Variants in LPCAT3 observed in about 807,000 individuals in gnomAD.
The protein encoded by LPCAT3 is lysophospholipid acyltransferase 5.
Under a neutral mutation model 63.4 loss-of-function variants are expected in LPCAT3, and 21 were observed. That is an observed-to-expected ratio of 0.33 (90% CI 0.23 to 0.48). LPCAT3 has a LOEUF of 0.48. Among genes scored for constraint, LPCAT3 ranks in the 20% least tolerant of loss-of-function variants. The pLI, the probability that LPCAT3 is intolerant of heterozygous loss-of-function variation, is 0.99. For synonymous variants in LPCAT3, 242 were observed against 227.5 expected, an observed-to-expected ratio of 1.06 and a Z score of -0.58; for missense variants, 451 against 590.6, an observed-to-expected ratio of 0.76 and a Z score of 2.45.
At chr12:7,009,299 G>C (rs1289995819) in intron 1 of LPCAT3, among the ~76,000 whole-genome samples, 2 of 152,198 alleles carry the variant, frequency 1.3e-5, no homozygotes, top group Non-Finnish European at 2.9e-5. Flanking sequence ...GACCTCAGGT[G>C]ATCTGCCTGC....
intron 1 of LPCAT3, among the ~76,000 whole-genome samples, chr12:6,995,121 CTTTT>C (rs34836555): frequency 6.9e-6 from 1 of 145,000 alleles, no homozygotes; most frequent in Non-Finnish European, 1.5e-5. Flanking sequence ...CTTCTCTGGG[CTTTT>C]TTTTTTTTTT....
At chr12:6,995,457 G>C (rs1946628390) in intron 1 of LPCAT3, among the ~76,000 whole-genome samples, 4 of 150,262 alleles carry the variant, frequency 2.7e-5, no homozygotes, top group Admixed American at 2.7e-4. Context: ...CTGGGCAACA[G>C]AGCCAGACTC....
chr12:6,978,550 A>G (rs782605769), intron 8 of LPCAT3, 43 bp from the exon 9 acceptor site: 6 of 1,612,874 alleles, frequency 3.7e-6, no homozygotes, highest in Non-Finnish European at 5.1e-6. Context: ...CACTCCCCAT[A>G]CTGGCCCCCA....
chr12:7,003,763 A>T (rs1405441329), intron 1 of LPCAT3, among the ~76,000 whole-genome samples: 2 of 151,462 alleles, frequency 1.3e-5, no homozygotes, highest in Non-Finnish European at 2.9e-5. Context: ...TCTATTAAAA[A>T]TACAAAAAAT....
chr12:6,989,647 G>A (rs1282507601), intron 1 of LPCAT3, among the ~76,000 whole-genome samples: 1 of 152,126 alleles, frequency 6.6e-6, no homozygotes, highest in Non-Finnish European at 1.5e-5. Flanking sequence ...ATTTGTACAA[G>A]CCCTCTTCAG....
chr12:7,012,570 T>A (rs1015238907), intron 1 of LPCAT3, among the ~76,000 whole-genome samples: 1 of 152,192 alleles, frequency 6.6e-6, no homozygotes, highest in Non-Finnish European at 1.5e-5. Context: ...GTAGCAACAT[T>A]AACATACCCA....
intron 1 of LPCAT3, among the ~76,000 whole-genome samples, chr12:7,010,145 C>G (rs1946751912): frequency 6.6e-6 from 1 of 152,286 alleles, no homozygotes; most frequent in Admixed American, 6.5e-5. Context: ...CATAAAAGGC[C>G]TATCATGTTT....
chr12:7,017,864 A>G lies in LPCAT3; in HGVS notation c.151+410T>C, dbSNP rs1431810390. ...TGGGGCTGAAAAGGCCGAAAGGGCT[A>G]AAGTTAGGGGCCCTATGCCTACCGA... On this transcript the variant is annotated intron_variant, in intron 1 of 12. Transcript: ENST00000261407. The surrounding 1 kb of genome is among the most constrained non-coding windows in gnomAD (Gnocchi z 4.1). Among the ~76,000 whole-genome samples the G allele has an allele frequency of 6.6e-6, 1 of 152,258 alleles. No individual in the cohort carries two copies. Among genetic ancestry groups the G allele is most frequent in the Non-Finnish European group, 1.5e-5 (1 of 68,050 alleles).
In LPCAT3 at chr12:6,978,403, T is replaced by G; in HGVS notation, c.978A>C (p.Thr326=). 6.2e-7 allele frequency: 1 copy of G among 1,614,026 alleles called. No homozygotes were observed. The highest frequency in any genetic ancestry group is 8.5e-7 in the Non-Finnish European group (1 of 1,179,978). ...CANMKVWLFE[T]NPRFTGTIAS... is the part of the protein sequence containing the mutation. ...CAATGGTGCCAGTGAAGCGGGGGTT[T>G]GTTTCAAAGAGCCACACCTTCATGT... Residue 326 remains threonine, a synonymous_variant, in exon 9 of 13, where the codon ACA becomes ACC. Coordinates refer to ENST00000261407, the MANE Select transcript of LPCAT3 (RefSeq NM_005768.6).
intron 1 of LPCAT3, among the ~76,000 whole-genome samples, chr12:7,011,519 C>T (rs782556791): frequency 1.3e-5 from 2 of 151,892 alleles, no homozygotes; most frequent in Admixed American, 6.6e-5. Flanking sequence ...CATGGTGGCT[C>T]ACGCCTGTAG....
chr12:7,008,677 C>T (rs1322225148), intron 1 of LPCAT3, among the ~76,000 whole-genome samples: 2 of 151,504 alleles, frequency 1.3e-5, no homozygotes, highest in African/African-American at 2.4e-5. Flanking sequence ...GCTGGAACCT[C>T]GGAGGTGGAG....
chr12:7,012,950 C>T (rs1302129139), intron 1 of LPCAT3, among the ~76,000 whole-genome samples: 1 of 152,192 alleles, frequency 6.6e-6, no homozygotes, highest in Non-Finnish European at 1.5e-5. Flanking sequence ...TTCACCTATT[C>T]AAGTATTTAT....
At position 6,977,301 on chromosome 12, in the gene LPCAT3, G is replaced by A. The variant is rs1555153377; in HGVS notation, c.1348-39C>T. On this transcript the variant is annotated intron_variant, in intron 11 of 12. Transcript: ENST00000261407. This position sits in a 1 kb window ranked among gnomAD's most constrained non-coding sequence, Gnocchi z 4.5. ...GGCCACTAAGGTAGACAGGCCTGGA[G>A]TGTCCTTTGCAACCTTTGAGGTTGC... 3.7e-6 allele frequency: 6 copies of A among 1,611,586 alleles called. No homozygotes were observed. Among genetic ancestry groups the A allele is most frequent in the Admixed American group, 1.7e-5 (1 of 59,986 alleles).
chr12:7,010,868 C>T (rs1463934630), intron 1 of LPCAT3, among the ~76,000 whole-genome samples: 3 of 152,084 alleles, frequency 2.0e-5, no homozygotes, highest in African/African-American at 7.2e-5. Flanking sequence ...GATGAGGTCT[C>T]CTTCTGTCAT....
chr12:6,982,150 C>T lies in LPCAT3; in HGVS notation c.367-246G>A, dbSNP rs190619177. 1.4e-4 allele frequency among the ~76,000 whole-genome samples: 21 copies of T among 152,164 alleles called. No homozygotes were observed. The East Asian group carries it at 2.7e-3, about 20-fold the overall frequency. ...GACCACAGGTGCATGCCACCCCACCCGGCTAATTTTTAATTTTTTTTGTTT... is the reference window on the plus strand; with the variant it reads ...GACCACAGGTGCATGCCACCCCACCTGGCTAATTTTTAATTTTTTTTGTTT... On this transcript the variant is annotated intron_variant, in intron 3 of 12. Coordinates refer to ENST00000261407, the MANE Select transcript of LPCAT3 (RefSeq NM_005768.6).
At position 6,978,345 on chromosome 12, in the gene LPCAT3, C is replaced by A; in HGVS notation, c.1036G>T (p.Ala346Ser). 1 of 1,606,658 alleles carries A rather than the reference C, an allele frequency of 6.2e-7. No individual in the cohort carries two copies. Among genetic ancestry groups the A allele is most frequent in the Non-Finnish European group, 8.5e-7 (1 of 1,175,948 alleles). Residue 346 changes from alanine to serine, a missense_variant, in exon 9 of 13, where the codon GCC becomes TCC. Ala to Ser is a moderately conservative substitution (Grantham distance 99, BLOSUM62 1). Around this residue, in one of 3 missense-constraint regions of LPCAT3, gnomAD observed 304 missense variants for 390.8 expected, o/e 0.78. Coordinates refer to ENST00000261407, the MANE Select transcript of LPCAT3 (RefSeq NM_005768.6). ...GGCTCCCCACCAGCAGCTCACCGGG[C>A]CACCCAGGCGTTGGTGTTGATGTTG... ...SFNINTNAWV[A>S]RYIFKRLKFL... is the part of the protein sequence containing the mutation.
chr12:7,001,208 A>G (rs1375256530), intron 1 of LPCAT3, among the ~76,000 whole-genome samples: 2 of 144,442 alleles, frequency 1.4e-5, no homozygotes, highest in Non-Finnish European at 3.0e-5. Context: ...AAGCTAAAAA[A>G]GCTTCAGTTT....
chr12:6,977,993 G>T lies in LPCAT3; in HGVS notation c.1041-248C>A. 1 of 571,216 alleles carries T rather than the reference G, an allele frequency of 1.8e-6. No homozygotes were observed. The highest frequency in any genetic ancestry group is 3.1e-6 in the Non-Finnish European group (1 of 320,292). 35.4% of individuals were successfully genotyped at this position (571,216 alleles called of 1,614,324 possible). ...CAGCAGTGACTGAGGCTGATGCTGA[G>T]ATCAGTGGTGAACCAGACACTCTAC... On this transcript the variant is annotated intron_variant, in intron 9 of 12. Transcript: ENST00000261407. The surrounding 1 kb of genome is among the most constrained non-coding windows in gnomAD (Gnocchi z 4.5).
At position 6,977,293 on chromosome 12, in the gene LPCAT3, G is replaced by A; in HGVS notation, c.1348-31C>T. The A allele has an allele frequency of 6.2e-7, 1 of 1,611,054 alleles. No individual in the cohort carries two copies. The highest frequency in any genetic ancestry group is 8.5e-7 in the Non-Finnish European group (1 of 1,177,230). ...GAGAGAGAGGCCACTAAGGTAGACA[G>A]GCCTGGAGTGTCCTTTGCAACCTTT... is the stretch of plus-strand genomic sequence containing the variant. On this transcript the variant is annotated intron_variant, in intron 11 of 12. Transcript: ENST00000261407. The surrounding 1 kb of genome is among the most constrained non-coding windows in gnomAD (Gnocchi z 4.5).
Sources: allele counts gnomAD v4.1 joint callset (sites outside exome capture counted in the v4.1 genomes callset), GRCh38; gene constraint gnomAD v4.1.1; regional missense constraint gnomAD v4.1.1; non-coding constraint Gnocchi (gnomAD v3.1); transcripts MANE v1.5; gene names NCBI Gene and HGNC (gene_info 2026-07-23, HGNC 2026-07-21).